The following MYBPC2 variants were observed in gnomAD, a reference collection of about 807,000 sequenced individuals.
The protein encoded by MYBPC2 is myosin binding protein C2, also known as myosin-binding protein C, fast-type.
In MYBPC2, 122 loss-of-function variants were observed where a neutral mutation model predicts 137.0. The ratio of observed to expected loss-of-function variants is 0.89; its 90% confidence interval spans 0.77 to 1.03. MYBPC2 has a LOEUF of 1.03. Among genes scored for constraint, MYBPC2 ranks in the 50% least tolerant of loss-of-function variants. The pLI is 0.00. For missense variants in MYBPC2, 1,500 were observed against 1,534.4 expected (o/e 0.98, Z 0.37); for synonymous variants, 626 against 612.3 (o/e 1.02, Z -0.33).
chr19:50,433,584 C>CG (rs1280646034), intron 1 of MYBPC2, among the ~76,000 whole-genome samples: 6 of 152,072 alleles, frequency 3.9e-5, no homozygotes, highest in Non-Finnish European at 8.8e-5. Context: ...TTAATAGAGA[C>CG]GGGTTTCGCC....
rs1157473335 is a variant in MYBPC2, at chr19:50,451,486, G to A, written c.1609+177G>A. On this transcript the variant is annotated intron_variant, in intron 15 of 27. Coordinates refer to ENST00000357701, the MANE Select transcript of MYBPC2 (RefSeq NM_004533.4). ...GCTGAGGAAGGGAGGGAGGAGGGGC[G>A]GGGAGCTGACAGACGGGGTGGGGGC... is the stretch of plus-strand genomic sequence containing the variant. 6.3e-5 allele frequency among the ~76,000 whole-genome samples: 9 copies of A among 142,654 alleles called. 1 individual carries two copies. The highest frequency in any genetic ancestry group is 1.8e-4 in the African/African-American group (7 of 38,158). 93.6% of individuals were successfully genotyped at this position (142,654 alleles called of 152,430 possible).
In MYBPC2 at chr19:50,454,155, G is replaced by A. The variant is rs35215508; in HGVS notation, c.1885G>A (p.Ala629Thr). ...CACCAACCCCGTCGGCGAGGACGTGGCTTCCATCTTCCTGCAAGTTGTAGG... is the reference window on the plus strand; with the variant it reads ...CACCAACCCCGTCGGCGAGGACGTGACTTCCATCTTCCTGCAAGTTGTAGG... The part of the protein sequence containing the change: ...KVTNPVGEDV[A>T]SIFLQVVDVP... The change falls in exon 17 of 28, where the codon GCT becomes ACT. Residue 629 changes from alanine to threonine, a missense_variant. By Grantham distance (58) the Ala-to-Thr change is moderately conservative (BLOSUM62 0). Coordinates refer to ENST00000357701, the MANE Select transcript of MYBPC2 (RefSeq NM_004533.4). The A allele has an allele frequency of 0.039, 63,368 of 1,613,780 alleles. 1,372 individuals carry two copies. The highest frequency in any genetic ancestry group is 0.048 in the Middle Eastern group (288 of 6,062).
chr19:50,442,130 G>A, intron 8 of MYBPC2, 51 bp from the exon 9 acceptor site: 1 of 1,550,326 alleles, frequency 6.5e-7, no homozygotes, highest in Non-Finnish European at 8.7e-7. Context: ...GGGATGACCA[G>A]GGGAATGAGG....
chr19:50,443,441 C>T lies in MYBPC2; in HGVS notation c.903-53C>T, dbSNP rs202092858. On this transcript the variant is annotated intron_variant, in intron 9 of 27. Transcript: ENST00000357701. ...TGAGAACAGGTAAGCAGAGCTACCCCAGGGATAGGTGGATGCTCCACGCCC... is the reference window on the plus strand; with the variant it reads ...TGAGAACAGGTAAGCAGAGCTACCCTAGGGATAGGTGGATGCTCCACGCCC... 17 of 1,592,006 alleles carry T rather than the reference C, an allele frequency of 1.1e-5. No individual in the cohort carries two copies. In the Admixed American group the frequency reaches 1.9e-4, roughly 18 times the overall value.
intron 12 of MYBPC2, among the ~76,000 whole-genome samples, chr19:50,446,866 A>G (rs1177289688): frequency 2.0e-5 from 3 of 151,310 alleles, no homozygotes; most frequent in Non-Finnish European, 2.9e-5. Flanking sequence ...ACACACCTGT[A>G]ATCCCAGCCA....
At position 50,452,488 on chromosome 19, in the gene MYBPC2, G is replaced by GTATC. The variant is rs772824530; in HGVS notation, c.1749+488_1749+489insCTAT. Among the ~76,000 whole-genome samples the GTATC allele has an allele frequency of 5.6e-3, 528 of 93,598 alleles. 4 individuals are homozygous for GTATC. Among genetic ancestry groups the GTATC allele is most frequent in the African/African-American group, 0.019 (442 of 22,990 alleles). The allele number at this position is 93,598 out of a possible 152,430, so 61.4% of individuals were successfully genotyped here. On this transcript the variant is annotated intron_variant, in intron 16 of 27. Transcript: ENST00000357701. ...TCTGTGTATGTATGTATGTATGTAT[G>GTATC]TATGTATGTATGTATGTATGTATCT...
chr19:50,435,881 A>G lies in MYBPC2; in HGVS notation c.196+19A>G. On this transcript the variant is annotated intron_variant, in intron 3 of 27. Transcript: ENST00000357701. This position sits in a 1 kb window ranked among gnomAD's most constrained non-coding sequence, Gnocchi z 4.8. ...GAGACTGGTGAGGGGAACCCGGGGG[A>G]GGAGGGGCTGCGGCCCGGACTCCTG... is the stretch of plus-strand genomic sequence containing the variant. 6.4e-7 allele frequency: 1 copy of G among 1,570,762 alleles called. No individual in the cohort carries two copies. The highest frequency in any genetic ancestry group is 1.2e-5 in the South Asian group (1 of 85,738).
intron 16 of MYBPC2, among the ~76,000 whole-genome samples, 178 bp from the exon 17 acceptor site, chr19:50,453,842 G>T (rs888945229): frequency 6.6e-6 from 1 of 152,100 alleles, no homozygotes; most frequent in Non-Finnish European, 1.5e-5. Context: ...GCCCCGTCCA[G>T]TCTGGTGCTT....
intron 24 of MYBPC2, among the ~76,000 whole-genome samples, chr19:50,460,673 G>A (rs115941147): frequency 2.2e-3 from 342 of 152,280 alleles, no homozygotes; most frequent in African/African-American, 7.7e-3. Context: ...GCAGGGTGCC[G>A]GGTGTGTCCA....
intron 22 of MYBPC2, 28 bp downstream of exon 22, chr19:50,459,034 G>T: frequency 6.3e-7 from 1 of 1,589,848 alleles, no homozygotes; most frequent in African/African-American, 1.3e-5. Context: ...ACGGGCCGGG[G>T]GTCCGCTCTC....
Position 50,458,988 on chromosome 19 carries a change from C to A in MYBPC2, c.2577C>A (p.Asn859Lys). 1.2e-6 allele frequency: 2 copies of A among 1,612,084 alleles called. No homozygotes were observed. The highest frequency in any genetic ancestry group is 8.5e-7 in the Non-Finnish European group (1 of 1,179,388). The part of the protein sequence containing the change: ...TYIRKVGEQL[N>K]LVVPFQGKPR... ...TCCGCAAAGTGGGCGAGCAGCTCAA[C>A]CTTGTCGTCCCCTTCCAGGTCAGGG... The change falls in exon 22 of 28, where the codon AAC becomes AAA. Residue 859 changes from asparagine (N) to lysine (K), a missense_variant. By Grantham distance (94) the Asn-to-Lys change is moderately conservative (BLOSUM62 0). Transcript: ENST00000357701.
At position 50,466,216 on chromosome 19, in the gene MYBPC2, C is replaced by T; in HGVS notation, c.*11C>T. Reference sequence around the variant, plus strand: ...GCAGTGCCGCAGTGAGACCTGTCCCCTACCTGCCAAGACAATTGGTGGTGG... The same window carrying T: ...GCAGTGCCGCAGTGAGACCTGTCCCTTACCTGCCAAGACAATTGGTGGTGG... On this transcript the variant is annotated 3_prime_UTR_variant, in exon 28 of 28. Transcript: ENST00000357701. The surrounding 1 kb of genome is among the most constrained non-coding windows in gnomAD (Gnocchi z 4.9). 2 of 1,613,956 alleles carry T rather than the reference C, an allele frequency of 1.2e-6. No individual in the cohort carries two copies. The highest frequency in any genetic ancestry group is 1.7e-6 in the Non-Finnish European group (2 of 1,179,868).
chr19:50,434,525 G>C (rs745774948), intron 1 of MYBPC2, among the ~76,000 whole-genome samples: 2 of 152,192 alleles, frequency 1.3e-5, no homozygotes, highest in Admixed American at 1.3e-4. Context: ...AGGCTTCCCC[G>C]TGTAGGAATT....
In MYBPC2 at chr19:50,458,712, C is replaced by G; in HGVS notation, c.2464C>G (p.Pro822Ala). Residue 822 changes from proline (P) to alanine (A), a missense_variant, in exon 21 of 28, where the codon CCG becomes GCG. By Grantham distance (27) the Pro-to-Ala change is conservative. Coordinates refer to ENST00000357701, the MANE Select transcript of MYBPC2 (RefSeq NM_004533.4). ...VGVNIAGRSE[P>A]ATLAQPVTIR... Reference sequence around the variant, plus strand: ...GGTCAACATCGCGGGGCGCAGCGAGCCGGCCACCCTGGCCCAGCCGGTCAC... The same window carrying G: ...GGTCAACATCGCGGGGCGCAGCGAGGCGGCCACCCTGGCCCAGCCGGTCAC... 6.2e-7 allele frequency: 1 copy of G among 1,609,730 alleles called. No individual in the cohort carries two copies. The highest frequency in any genetic ancestry group is 1.1e-5 in the South Asian group (1 of 91,082).
intron 13 of MYBPC2, among the ~76,000 whole-genome samples, chr19:50,449,367 A>G (rs573641463): frequency 3.5e-4 from 54 of 152,198 alleles, no homozygotes; most frequent in African/African-American, 1.2e-3. Flanking sequence ...GCCGCTCCCT[A>G]TGGCACCTCC....
At position 50,446,004 on chromosome 19, in the gene MYBPC2, C is replaced by T; in HGVS notation, c.1258C>T (p.Gln420Ter). The T allele has an allele frequency of 1.2e-6, 2 of 1,613,482 alleles. No homozygotes were observed. The highest frequency in any genetic ancestry group is 8.5e-7 in the Non-Finnish European group (1 of 1,179,704). Residue 420 changes from glutamine (Q) to a stop codon, truncating the protein, a stop_gained, in exon 12 of 28, where the codon CAG becomes TAG. Coordinates refer to ENST00000357701, the MANE Select transcript of MYBPC2 (RefSeq NM_004533.4). LOFTEE classifies it high-confidence loss of function. ...GGTCCAGGAGGACAGGGGTCGCTAT[C>T]AGGTCATAACCAATGGCGGCCAGTG... ...DVVQEDRGRYQVITNGGQCEA... is the reference protein window; with the variant it reads ...DVVQEDRGRY
chr19:50,450,254 TTTTTC>T (rs1178042423), intron 13 of MYBPC2, among the ~76,000 whole-genome samples: 1 of 152,008 alleles, frequency 6.6e-6, no homozygotes, highest in African/African-American at 2.4e-5. Context: ...AGGTGTGGTT[TTTTTC>T]TTTTCTTTTC....
chr19:50,443,513 G>A lies in MYBPC2; in HGVS notation c.922G>A (p.Gly308Ser), dbSNP rs1380645768. 6 of 1,613,056 alleles carry A rather than the reference G, an allele frequency of 3.7e-6. No homozygotes were observed. The South Asian group carries it at 5.5e-5, about 15-fold the overall frequency. Residue 308 changes from glycine to serine, a missense_variant, in exon 10 of 28, where the codon GGT becomes AGT. Transcript: ENST00000357701. ...AATCAGGTACGTGTTTGAGAACGTT[G>A]GTAAGAAGCGAATTCTTACCATCAA... ...PSSKYVFENV[G>S]KKRILTINKC...
chr19:50,456,435 C>CTT (rs573334192), intron 20 of MYBPC2, among the ~76,000 whole-genome samples: 23,872 of 132,322 alleles, frequency 0.18, 3,063 homozygotes, highest in East Asian at 0.43. Context: ...CTCTCTCTCT[C>CTT]TTTTTTTTTT....
Sources: gnomAD v4.1 joint callset for allele counts (sites outside exome capture counted in the v4.1 genomes callset) on GRCh38, gnomAD v4.1.1 for gene constraint, Gnocchi (gnomAD v3.1) non-coding constraint, MANE v1.5 for transcripts, NCBI Gene and HGNC (gene_info 2026-07-23, HGNC 2026-07-21) for gene names.